The following F11R variants were observed in gnomAD, a reference collection of about 807,000 sequenced individuals.
The protein encoded by F11R is junctional adhesion molecule A.
F11R carries 27 observed loss-of-function variants against 39.3 expected under a neutral mutation model. The observed-to-expected ratio is 0.69, with a 90% CI of 0.51 to 0.95. The LOEUF (loss-of-function observed/expected upper bound fraction) is 0.95. Ranked by LOEUF, F11R falls within the 40% of genes least tolerant of loss-of-function variation. The probability of loss-of-function intolerance (pLI) is 0.00; values close to 1 mark genes in which losing one functional copy is unlikely to be tolerated. For synonymous variants in F11R, 131 were observed against 144.9 expected, an observed-to-expected ratio of 0.90 and a Z score of 0.69; for missense variants, 335 against 372.7, an observed-to-expected ratio of 0.90 and a Z score of 0.83.
In F11R at chr1:160,998,372, G is replaced by A. The variant is rs41267955; in HGVS notation, c.*499C>T. On this transcript the variant is annotated 3_prime_UTR_variant, in exon 10 of 10. Transcript: ENST00000368026. ...AAGACAGAAGAGAGTGGGCCCCAGA[G>A]ATGGAAGGACCCCAGTGTCATCACC... The A allele has an allele frequency of 3.2e-3, 553 of 175,180 alleles. 3 individuals are homozygous for A. Among genetic ancestry groups the A allele is most frequent in the Non-Finnish European group, 5.3e-3 (436 of 81,702 alleles). The allele number at this position is 175,180 out of a possible 1,614,324, so 10.9% of individuals were successfully genotyped here.
chr1:161,015,403 A>T (rs1340469461), intron 1 of F11R, among the ~76,000 whole-genome samples: 6 of 132,952 alleles, frequency 4.5e-5, no homozygotes, highest in African/African-American at 8.7e-5. Context: ...ATCTCAAAAA[A>T]AAAAATATAT....
intron 1 of F11R, among the ~76,000 whole-genome samples, chr1:161,020,152 CA>C (rs1649681222): frequency 6.6e-6 from 1 of 152,132 alleles, no homozygotes; most frequent in African/African-American, 2.4e-5. Context: ...CAGCCCCACA[CA>C]AACACATCTA....
chr1:161,001,749 G>A (rs963872693), intron 1 of F11R, among the ~76,000 whole-genome samples: 3 of 152,116 alleles, frequency 2.0e-5, no homozygotes, highest in African/African-American at 7.2e-5. Flanking sequence ...AAGCCAGCAG[G>A]GCTGGAGGCA....
In F11R at chr1:160,997,395, AGAGT is replaced by A. The variant is rs917977429; in HGVS notation, c.*1472_*1475del. 6 of 152,382 alleles carry A rather than the reference AGAGT, an allele frequency of 3.9e-5. No homozygotes were observed. Among genetic ancestry groups the A allele is most frequent in the African/African-American group, 1.4e-4 (6 of 41,462 alleles). The allele number at this position is 152,382 out of a possible 1,614,324, so 9.4% of individuals were successfully genotyped here. On this transcript the variant is annotated 3_prime_UTR_variant, in exon 10 of 10. Coordinates refer to ENST00000368026, the MANE Select transcript of F11R (RefSeq NM_016946.6). ...TGCACCTGGCTGAACAGGAGGTACA[AGAGT>A]AAGTACCTTCTCTCACTTGGTGGAA...
At chr1:161,020,294 C>T (rs1040717610) in intron 1 of F11R, among the ~76,000 whole-genome samples, 9 of 152,142 alleles carry the variant, frequency 5.9e-5, no homozygotes, top group South Asian at 2.1e-4. Flanking sequence ...TCCAGCCAAC[C>T]AACAGATACA....
chr1:160,998,552 A>AC lies in F11R; in HGVS notation c.*318dup, dbSNP rs1343248024. On this transcript the variant is annotated 3_prime_UTR_variant, in exon 10 of 10. Coordinates refer to ENST00000368026, the MANE Select transcript of F11R (RefSeq NM_016946.6). ...GGGCAGTTGAGTGCAGATTCCTGCG[A>AC]CCCCCGCCATTTTTGCTGTCTACTT... is the stretch of plus-strand genomic sequence containing the variant. 2 of 524,864 alleles carry AC rather than the reference A, an allele frequency of 3.8e-6. No individual in the cohort carries two copies. The highest frequency in any genetic ancestry group is 6.5e-5 in the East Asian group (2 of 30,940). 32.5% of individuals were successfully genotyped at this position (524,864 alleles called of 1,614,324 possible).
chr1:161,011,390 G>C (rs1414670304), intron 1 of F11R, among the ~76,000 whole-genome samples: 1 of 152,198 alleles, frequency 6.6e-6, no homozygotes, highest in Non-Finnish European at 1.5e-5. Context: ...CCCAACAAAA[G>C]GTGAATAAGT....
intron 1 of F11R, among the ~76,000 whole-genome samples, chr1:161,004,783 C>A (rs1447107777): frequency 2.0e-5 from 3 of 151,670 alleles, no homozygotes. Context: ...GAAAAAAAAA[C>A]TAATAAAAAT....
chr1:161,003,464 C>T (rs529106726), intron 1 of F11R, among the ~76,000 whole-genome samples: 7 of 151,972 alleles, frequency 4.6e-5, no homozygotes, highest in East Asian at 1.9e-4. Flanking sequence ...GGTTTCACCA[C>T]GTTGGCCAGG....
chr1:161,007,273 T>C (rs1254890807), intron 1 of F11R, among the ~76,000 whole-genome samples: 1 of 150,974 alleles, frequency 6.6e-6, no homozygotes, highest in Non-Finnish European at 1.5e-5. Context: ...CGAGACCAGC[T>C]TGACCAACAT....
chr1:161,013,051 A>G (rs1311908361), intron 1 of F11R, among the ~76,000 whole-genome samples: 1 of 151,882 alleles, frequency 6.6e-6, no homozygotes, highest in Non-Finnish European at 1.5e-5. Flanking sequence ...TAAGCAAAGT[A>G]CCCAAAAGGT....
chr1:161,017,660 C>T (rs1030889458), intron 1 of F11R, among the ~76,000 whole-genome samples: 21 of 152,200 alleles, frequency 1.4e-4, no homozygotes, highest in Non-Finnish European at 4.4e-5. Context: ...CAGAGGCTGG[C>T]GGGATCCTCC....
chr1:161,010,065 A>AAG (rs1649042184), intron 1 of F11R, among the ~76,000 whole-genome samples: 1 of 151,612 alleles, frequency 6.6e-6, no homozygotes, highest in South Asian at 2.1e-4. Flanking sequence ...TCTTAAAAAA[A>AAG]AAAAAAACCT....
intron 1 of F11R, among the ~76,000 whole-genome samples, chr1:161,015,397 CAAAAA>C (rs72369371): frequency 9.7e-5 from 11 of 113,608 alleles, no homozygotes; most frequent in African/African-American, 2.1e-4. Flanking sequence ...GACTCCATCT[CAAAAA>C]AAAAAATATA....
intron 3 of F11R, 55 bp from the exon 4 acceptor site, chr1:161,000,832 G>A: frequency 1.2e-6 from 2 of 1,605,568 alleles, no homozygotes; most frequent in Non-Finnish European, 1.7e-6. Flanking sequence ...GCTAAGGGAG[G>A]CTGATGAAGG....
rs909088358 is a variant in F11R at position 160,998,481 on chromosome 1, A to C, written c.*390T>G. ...TCGTCAGTACACAAGGAAAGAGCCC[A>C]GAACCAAGCTCAAGATACCTATTCA... On this transcript the variant is annotated 3_prime_UTR_variant, in exon 10 of 10. Transcript: ENST00000368026. 16 of 348,430 alleles carry C rather than the reference A, an allele frequency of 4.6e-5. No homozygotes were observed. The highest frequency in any genetic ancestry group is 3.3e-4 in the African/African-American group (16 of 47,826). The allele number at this position is 348,430 out of a possible 1,614,324, so 21.6% of individuals were successfully genotyped here.
chr1:161,010,639 T>A (rs1649098836), intron 1 of F11R, among the ~76,000 whole-genome samples: 1 of 152,064 alleles, frequency 6.6e-6, no homozygotes, highest in Non-Finnish European at 1.5e-5. Context: ...CAGTCAAAAT[T>A]AATCTCACCC....
In F11R at chr1:160,999,702, A is replaced by C; in HGVS notation, c.740T>G (p.Leu247Arg). The C allele has an allele frequency of 6.2e-7, 1 of 1,614,218 alleles. No homozygotes were observed. The highest frequency in any genetic ancestry group is 8.5e-7 in the Non-Finnish European group (1 of 1,180,024). Residue 247 changes from leucine (L) to arginine (R), a missense_variant, in exon 7 of 10, where the codon CTG becomes CGG. Physicochemically the swap from Leu to Arg is moderately radical, Grantham distance 102. Coordinates refer to ENST00000368026, the MANE Select transcript of F11R (RefSeq NM_016946.6). ...AAAAACCAAGATTCCCAGGAGAATC[A>C]GGGTTACAAGGACGGCTGCCACGAT... ...GVIVAAVLVT[L>R]ILLGILVFGI... is the part of the protein sequence containing the mutation.
intron 1 of F11R, among the ~76,000 whole-genome samples, chr1:161,013,879 T>G (rs2481082): frequency 0.031 from 4,759 of 152,248 alleles, 241 homozygotes; most frequent in African/African-American, 0.11. Flanking sequence ...GGTCGAGCCT[T>G]CCAGCGCAGG....
Sources: gnomAD v4.1 joint callset for allele counts (sites outside exome capture counted in the v4.1 genomes callset) on GRCh38, gnomAD v4.1.1 for gene constraint, MANE v1.5 for transcripts, NCBI Gene and HGNC (gene_info 2026-07-23, HGNC 2026-07-21) for gene names.